The following SLC16A2 variants were observed in gnomAD, a reference collection of about 807,000 sequenced individuals.
SLC16A2 encodes the protein monocarboxylate transporter 8.
SLC16A2 carries 3 observed loss-of-function variants against 27.2 expected under a neutral mutation model. That is an observed-to-expected ratio of 0.11 (90% confidence interval 0.05 to 0.28). The LOEUF is 0.28. SLC16A2 is among the 10% of genes least tolerant of loss of function. The pLI is 1.00. For synonymous variants in SLC16A2, 202 were observed against 187.8 expected (o/e 1.08, Z -0.62); for missense variants, 295 against 458.5 (o/e 0.64, Z 3.26).
intron 4 of SLC16A2, among the ~76,000 whole-genome samples, chrX:74,527,764 T>C (rs916131411): frequency 6.2e-5 from 7 of 112,630 alleles, no homozygotes; most frequent in Admixed American, 3.7e-4. Context: ...CTAGATACAA[T>C]AGGTAATACT....
At chrX:74,422,197 C>T (rs1928316283) in intron 1 of SLC16A2, 130 bp downstream of exon 1, 2 of 628,773 alleles carry the variant, frequency 3.2e-6, no homozygotes, top group East Asian at 3.6e-5. Context: ...TTACCCCTTA[C>T]CCCTTGCCCC....
chrX:74,441,555 T>C (rs1316682354), intron 1 of SLC16A2, among the ~76,000 whole-genome samples: 1 of 111,954 alleles, frequency 8.9e-6, no homozygotes, highest in Non-Finnish European at 1.9e-5. Context: ...TTGAGGTGTC[T>C]GTAGGCCTAG....
intron 1 of SLC16A2, among the ~76,000 whole-genome samples, chrX:74,439,029 T>C (rs1928675089): frequency 9.0e-6 from 1 of 111,092 alleles, no homozygotes; most frequent in African/African-American, 3.3e-5. Context: ...CACTGGCCCA[T>C]ATGCCCCAAA....
intron 4 of SLC16A2, 42 bp downstream of exon 4, chrX:74,525,935 C>A (rs755531669): frequency 8.4e-7 from 1 of 1,191,168 alleles, no homozygotes; most frequent in South Asian, 1.8e-5. Context: ...AAACAGCCTG[C>A]CACAAATGCA....
At chrX:74,531,275 A>G (rs928388009) in intron 5 of SLC16A2, 58 bp from the exon 6 acceptor site, 17 of 1,025,319 alleles carry the variant, frequency 1.7e-5, no homozygotes, top group Admixed American at 6.6e-5. Context: ...ACGGGCTGAG[A>G]GTACCTTTGG....
intron 1 of SLC16A2, among the ~76,000 whole-genome samples, chrX:74,454,703 T>C (rs1372250524): frequency 3.6e-5 from 4 of 110,001 alleles, no homozygotes; most frequent in African/African-American, 1.3e-4. Context: ...GTTGTGCACA[T>C]GTACCCTAAA....
intron 1 of SLC16A2, among the ~76,000 whole-genome samples, chrX:74,474,709 T>A (rs920349811): frequency 1.8e-5 from 2 of 110,707 alleles, no homozygotes; most frequent in African/African-American, 6.6e-5. Flanking sequence ...AATTCCCACC[T>A]ACGAGTGAGA....
chrX:74,447,493 C>A (rs147347102), intron 1 of SLC16A2, among the ~76,000 whole-genome samples: 1 of 109,919 alleles, frequency 9.1e-6, no homozygotes, highest in Non-Finnish European at 1.9e-5. Flanking sequence ...GACAATATAG[C>A]GAGACCCTGT....
chrX:74,499,470 T>C (rs1325832804), intron 1 of SLC16A2, among the ~76,000 whole-genome samples: 2 of 107,658 alleles, frequency 1.9e-5, no homozygotes, highest in Non-Finnish European at 1.9e-5. Flanking sequence ...TTTTTTTTTT[T>C]CCAGATAGAG....
chrX:74,513,595 G>A (rs1930268861), intron 1 of SLC16A2, among the ~76,000 whole-genome samples: 2 of 111,513 alleles, frequency 1.8e-5, no homozygotes, highest in Admixed American at 1.9e-4. Context: ...TACAGTCATT[G>A]CTTGATTATT....
Position 74,531,462 on chromosome X carries a change from G to A in SLC16A2, c.1529G>A (p.Arg510Lys), listed in dbSNP as rs1243627396. The change falls in exon 6 of 6, where the codon AGA (arginine) becomes AAA (lysine). Residue 510 changes from arginine to lysine, a missense_variant. Arg to Lys is a conservative substitution (Grantham distance 26). Around this residue, in one of 3 missense-constraint regions of SLC16A2, gnomAD observed 144 missense variants for 219.8 expected, o/e 0.66. Coordinates refer to ENST00000587091, the MANE Select transcript of SLC16A2 (RefSeq NM_006517.5). ...MHQRMFKKEQ[R>K]DSSKDKMLAP... ...CAAAGGATGTTCAAGAAAGAGCAGA[G>A]AGATTCCAGCAAGGATAAGATGTTG... is the stretch of plus-strand genomic sequence containing the variant. 21 of 1,210,085 alleles carry A rather than the reference G, an allele frequency of 1.7e-5. No homozygotes were observed. The highest frequency in any genetic ancestry group is 2.3e-5 in the Non-Finnish European group (21 of 895,079).
rs755163343 is a variant in SLC16A2, at chrX:74,458,474, G to A, written c.430+36407G>A. The stretch of plus-strand genomic sequence containing the variant: ...AGCGATTCTCCTGCCTCAGCCTCCC[G>A]AGTACCTGGGATTACAGGCATGCAC... On this transcript the variant is annotated intron_variant, in intron 1 of 5. Coordinates refer to ENST00000587091, the MANE Select transcript of SLC16A2 (RefSeq NM_006517.5). 8.1e-5 allele frequency among the ~76,000 whole-genome samples: 9 copies of A among 110,861 alleles called. No homozygotes were observed. The Admixed American group carries it at 8.7e-4, about 11-fold the overall frequency.
intron 1 of SLC16A2, among the ~76,000 whole-genome samples, chrX:74,482,778 G>A (rs1230949608): frequency 9.0e-6 from 1 of 110,533 alleles, no homozygotes; most frequent in Non-Finnish European, 1.9e-5. Flanking sequence ...GCTTGCTGCA[G>A]CCTTGACTTC....
intron 1 of SLC16A2, among the ~76,000 whole-genome samples, chrX:74,445,120 G>A (rs1215262691): frequency 1.8e-5 from 2 of 111,963 alleles, no homozygotes; most frequent in East Asian, 5.6e-4. Context: ...AAATTGAGAC[G>A]CAGAGAAGTG....
intron 1 of SLC16A2, among the ~76,000 whole-genome samples, chrX:74,469,541 T>C (rs951581508): frequency 2.7e-5 from 3 of 111,952 alleles, no homozygotes; most frequent in African/African-American, 9.7e-5. Flanking sequence ...TGGTATCTCC[T>C]TTTGGTTTTT....
At chrX:74,441,237 T>C (rs1928742934) in intron 1 of SLC16A2, among the ~76,000 whole-genome samples, 1 of 111,351 alleles carries the variant, frequency 9.0e-6, no homozygotes, top group East Asian at 2.8e-4. Context: ...TTTGTATTTT[T>C]AGTAGAGACG....
At chrX:74,494,190 T>G (rs1420682789) in intron 1 of SLC16A2, among the ~76,000 whole-genome samples, 1 of 112,360 alleles carries the variant, frequency 8.9e-6, no homozygotes, top group African/African-American at 3.2e-5. Context: ...CAGTGTTATG[T>G]GTATTTGAAA....
intron 1 of SLC16A2, among the ~76,000 whole-genome samples, chrX:74,435,543 A>ATATGCATATATATATATG (rs1256057360): frequency 1.1e-5 from 1 of 88,380 alleles, no homozygotes; most frequent in Non-Finnish European, 2.1e-5. Context: ...ATATGTATAT[A>ATATGCATATATATATATG]TATATATATA....
chrX:74,421,955 T>C lies in SLC16A2; in HGVS notation c.318T>C (p.Ala106=). Residue 106 remains alanine (A), a synonymous_variant, in exon 1 of 6, where the codon GCT becomes GCC. Coordinates refer to ENST00000587091, the MANE Select transcript of SLC16A2 (RefSeq NM_006517.5). Reference sequence around the variant, plus strand: ...GCTTCGGCTGGGTGGTGGTGTTCGCTGCCACCTGGTGCAACGGCTCCATCT... The same window carrying C: ...GCTTCGGCTGGGTGGTGGTGTTCGCCGCCACCTGGTGCAACGGCTCCATCT... ...EGGFGWVVVF[A]ATWCNGSIFG... 1 of 1,210,916 alleles carries C rather than the reference T, an allele frequency of 8.3e-7. No homozygotes were observed. The highest frequency in any genetic ancestry group is 1.1e-6 in the Non-Finnish European group (1 of 895,273).
Sources: allele counts gnomAD v4.1 joint callset (sites outside exome capture counted in the v4.1 genomes callset), GRCh38; gene constraint gnomAD v4.1.1; regional missense constraint gnomAD v4.1.1; transcripts MANE v1.5; gene names NCBI Gene and HGNC (gene_info 2026-07-23, HGNC 2026-07-21).